Variants in KNTC1 observed in about 807,000 individuals in gnomAD.
KNTC1 encodes kinetochore-associated protein 1.
In KNTC1, 253 loss-of-function variants were observed where a neutral mutation model predicts 314.4. That is an observed-to-expected ratio of 0.80 (90% CI 0.73 to 0.89). KNTC1 has a LOEUF of 0.89. Among genes scored for constraint, KNTC1 ranks in the 40% least tolerant of loss-of-function variants. The pLI is 0.00. For synonymous variants in KNTC1, 901 were observed against 901.4 expected (o/e 1.00, Z 0.01); for missense variants, 2,475 against 2,572.9 (o/e 0.96, Z 0.82).
At chr12:122,576,016 C>A in intron 29 of KNTC1, 117 bp downstream of exon 29, 2 of 1,229,310 alleles carry the variant, frequency 1.6e-6, no homozygotes, top group South Asian at 3.3e-5. Flanking sequence ...CACTACATTT[C>A]TTTTGTTAGA....
chr12:122,590,030 C>T (rs1394647401), intron 40 of KNTC1, among the ~76,000 whole-genome samples: 1 of 151,884 alleles, frequency 6.6e-6, no homozygotes, highest in Admixed American at 6.6e-5. Context: ...GTGATCCACC[C>T]TCCTCGGCCT....
chr12:122,556,734 A>G (rs1221872719), intron 16 of KNTC1, among the ~76,000 whole-genome samples: 1 of 151,778 alleles, frequency 6.6e-6, no homozygotes, highest in Non-Finnish European at 1.5e-5. Flanking sequence ...AAGTGCTGGG[A>G]TTACAGGCGT....
In KNTC1 at chr12:122,620,740, G is replaced by C; in HGVS notation, c.6279+132G>C. 3 of 904,716 alleles carry C rather than the reference G, an allele frequency of 3.3e-6. No homozygotes were observed. The South Asian group carries it at 5.5e-5, about 17-fold the overall frequency. 56.0% of individuals were successfully genotyped at this position (904,716 alleles called of 1,614,324 possible). A position where few individuals can be genotyped will look rare whatever the true frequency, so the allele number is the denominator to read the frequency against. ...AATACATCAGATATGTGTGAAGCTT[G>C]TATGGGGGCTTAGTGGGAGGTAAGA... On this transcript the variant is annotated intron_variant, in intron 60 of 63. Coordinates refer to ENST00000333479, the MANE Select transcript of KNTC1 (RefSeq NM_014708.6).
chr12:122,546,546 G>A (rs866490142), intron 9 of KNTC1, 76 bp from the exon 10 acceptor site: 98 of 956,202 alleles, frequency 1.0e-4, no homozygotes, highest in South Asian at 4.9e-4. Flanking sequence ...GCCTTTCTGT[G>A]AATATGTTAG....
At chr12:122,574,499 C>A in intron 27 of KNTC1, 119 bp downstream of exon 27, 1 of 625,948 alleles carries the variant, frequency 1.6e-6, no homozygotes, top group Non-Finnish European at 2.7e-6. Context: ...CTGGCTGTGT[C>A]GCCCAGGCTG....
chr12:122,543,696 A>G (rs1295092840), intron 7 of KNTC1, 62 bp downstream of exon 7: 6 of 974,658 alleles, frequency 6.2e-6, no homozygotes, highest in African/African-American at 1.7e-5. Flanking sequence ...ATGTAGTAGA[A>G]TGTTTCTGTA....
In KNTC1 at chr12:122,568,370, CG is replaced by C. The variant is rs1565965670; in HGVS notation, c.1716+1del. 1.3e-6 allele frequency: 2 copies of C among 1,548,486 alleles called. No individual in the cohort carries two copies. Among genetic ancestry groups the C allele is most frequent in the Non-Finnish European group, 1.8e-6 (2 of 1,121,920 alleles). On this transcript the variant is annotated frameshift_variant and splice_region_variant, in exon 21 of 64. Coordinates refer to ENST00000333479, the MANE Select transcript of KNTC1 (RefSeq NM_014708.6). LOFTEE classifies it high-confidence loss of function. Reference protein sequence around the residue: ...VCAQYLWLRHRANFESRFDVK... With the variant: ...VCAQYLWLRHXANFESRFDVK... ...TGCACAGTATCTTTGGCTTCGACAT[CG>C]GGTAACATGTTTTACATTTTTTCCT...
chr12:122,546,448 A>C (rs1447225469), intron 9 of KNTC1, among the ~76,000 whole-genome samples, 174 bp from the exon 10 acceptor site: 1 of 152,176 alleles, frequency 6.6e-6, no homozygotes, highest in East Asian at 1.9e-4. Context: ...GTTACTCTTC[A>C]TTTTGGGAGG....
In KNTC1 at chr12:122,622,581, A is replaced by G; in HGVS notation, c.6489A>G (p.Leu2163=). Residue 2163 remains leucine (L), a synonymous_variant, in exon 62 of 64, where the codon CTA becomes CTG. Transcript: ENST00000333479. The part of the protein sequence containing the change: ...HAMNTNNITE[L]VNYLANDLSL... ...TGAATACCAACAATATCACTGAGCT[A>G]GTGAACTATTTGGCAAATGACTTAA... 6.4e-7 allele frequency: 1 copy of G among 1,553,714 alleles called. No homozygotes were observed. The highest frequency in any genetic ancestry group is 1.2e-5 in the South Asian group (1 of 81,888).
chr12:122,591,422 C>T lies in KNTC1; in HGVS notation c.4214C>T (p.Ala1405Val). 2 of 1,598,430 alleles carry T rather than the reference C, an allele frequency of 1.3e-6. No homozygotes were observed. The highest frequency in any genetic ancestry group is 1.7e-6 in the Non-Finnish European group (2 of 1,167,262). ...AAGTTCCGTGAACTCAGTACTGATG[C>T]CCAGTGGGGCATTCGTCTTGGTAAA... ...GLKFRELSTDAQWGIRLGKLG... is the reference protein window; with the variant it reads ...GLKFRELSTDVQWGIRLGKLG... Residue 1405 changes from alanine to valine, a missense_variant, in exon 42 of 64, where the codon GCC becomes GTC. Coordinates refer to ENST00000333479, the MANE Select transcript of KNTC1 (RefSeq NM_014708.6).
intron 42 of KNTC1, chr12:122,593,266 C>CTTTTTTTTTT (rs369511482): frequency 7.2e-6 from 1 of 139,178 alleles, no homozygotes; most frequent in African/African-American, 2.7e-5. Context: ...TTCTTTTTTT[C>CTTTTTTTTTT]TTTTTTTTTT....
chr12:122,547,519 A>T lies in KNTC1; in HGVS notation c.921A>T (p.Ser307=), dbSNP rs1240066075. 2 of 1,597,970 alleles carry T rather than the reference A, an allele frequency of 1.3e-6. No homozygotes were observed. The highest frequency in any genetic ancestry group is 1.7e-5 in the Admixed American group (1 of 59,720). ...TTACTACAGAAGCAGACTCTCCTTC[A>T]TCAGTCACGTGGTATGTTATGACTA... The part of the protein sequence containing the change: ...FLLTTEADSP[S]SVTWQGITNL... Residue 307 remains serine (S), a synonymous_variant, in exon 11 of 64, where the codon TCA becomes TCT. Transcript: ENST00000333479.
At chr12:122,591,495 C>G in intron 42 of KNTC1, 42 bp downstream of exon 42, 1 of 1,026,372 alleles carries the variant, frequency 9.7e-7, no homozygotes, top group Non-Finnish European at 1.5e-6. Context: ...CTGTTAATTA[C>G]CCGGTTGGAA....
chr12:122,541,119 T>C (rs927133273), intron 5 of KNTC1, among the ~76,000 whole-genome samples: 2 of 152,056 alleles, frequency 1.3e-5, no homozygotes, highest in Non-Finnish European at 2.9e-5. Flanking sequence ...ATCGCTGCAC[T>C]GCAGTGTCTG....
At chr12:122,558,479 G>A (rs1161659116) in intron 18 of KNTC1, among the ~76,000 whole-genome samples, 1 of 151,668 alleles carries the variant, frequency 6.6e-6, no homozygotes, top group African/African-American at 2.4e-5. Context: ...TTGAACCTGG[G>A]AGGCGGAGGT....
At chr12:122,604,450 A>G in intron 48 of KNTC1, 114 bp from the exon 49 acceptor site, 1 of 543,466 alleles carries the variant, frequency 1.8e-6, no homozygotes, top group African/African-American at 1.9e-5. Flanking sequence ...CCCAGCCATG[A>G]GTATGCATTT....
intron 2 of KNTC1, among the ~76,000 whole-genome samples, chr12:122,533,637 C>A (rs1565926400): frequency 6.6e-6 from 1 of 152,100 alleles, no homozygotes; most frequent in African/African-American, 2.4e-5. Context: ...TTTAAGGCTG[C>A]AGTGAGTTAT....
At position 122,584,187 on chromosome 12, in the gene KNTC1, G is replaced by A. The variant is rs1402395771; in HGVS notation, c.3264-91G>A. On this transcript the variant is annotated intron_variant, in intron 34 of 63. Coordinates refer to ENST00000333479, the MANE Select transcript of KNTC1 (RefSeq NM_014708.6). ...ACATTTAAAAGACATTTAATGTGTT[G>A]ATGGTGGTGGTGATATATTAATCCA... 2.7e-5 allele frequency: 23 copies of A among 856,258 alleles called. No individual in the cohort carries two copies. The South Asian group carries it at 3.7e-4, about 14-fold the overall frequency. The allele number at this position is 856,258 out of a possible 1,614,324, so 53.0% of individuals were successfully genotyped here. A position where few individuals can be genotyped will look rare whatever the true frequency, so the allele number is the denominator to read the frequency against.
At chr12:122,533,699 A>C (rs532863000) in intron 2 of KNTC1, among the ~76,000 whole-genome samples, 22 of 152,266 alleles carry the variant, frequency 1.4e-4, no homozygotes, top group African/African-American at 4.6e-4. Flanking sequence ...CCTGTCTCAA[A>C]ATAAAGAAAA....
Sources: gnomAD v4.1 joint callset for allele counts (sites outside exome capture counted in the v4.1 genomes callset) on GRCh38, gnomAD v4.1.1 for gene constraint, MANE v1.5 for transcripts, NCBI Gene and HGNC (gene_info 2026-07-23, HGNC 2026-07-21) for gene names.